ZNF385D: variants seen among roughly 807,000 people sequenced by gnomAD.
ZNF385D encodes zinc finger protein 659.
In ZNF385D, 15 loss-of-function variants were observed where a neutral mutation model predicts 35.8. The ratio of observed to expected loss-of-function variants is 0.42; its 90% CI spans 0.28 to 0.64. The LOEUF (loss-of-function observed/expected upper bound fraction) is 0.64. ZNF385D is among the 30% of genes least tolerant of loss of function. The pLI is 0.23. For missense variants in ZNF385D, 474 were observed against 494.6 expected, an observed-to-expected ratio of 0.96 and a Z score of 0.39; for synonymous variants, 212 against 186.8, an observed-to-expected ratio of 1.13 and a Z score of -1.10.
intron 3 of ZNF385D, among the ~76,000 whole-genome samples, chr3:21,931,745 GT>G (rs1485125714): frequency 1.3e-5 from 2 of 152,166 alleles, no homozygotes; most frequent in Non-Finnish European, 2.9e-5. Flanking sequence ...GATGATAGAT[GT>G]TCAAAACTAG....
chr3:22,014,713 G>T (rs1457022993), intron 3 of ZNF385D, among the ~76,000 whole-genome samples: 3 of 151,918 alleles, frequency 2.0e-5, no homozygotes, highest in Non-Finnish European at 4.4e-5. Context: ...TGATATACAA[G>T]AAATAAGAAA....
intron 3 of ZNF385D, among the ~76,000 whole-genome samples, chr3:22,083,683 C>T (rs887245160): frequency 1.3e-5 from 2 of 152,048 alleles, no homozygotes; most frequent in African/African-American, 4.8e-5. Context: ...AGAGAAATTC[C>T]CCAACCTAGC....
intron 2 of ZNF385D, among the ~76,000 whole-genome samples, chr3:22,239,888 G>T (rs1465228265): frequency 6.6e-6 from 1 of 150,548 alleles, no homozygotes; most frequent in African/African-American, 2.5e-5. Context: ...GGCTTTAAAT[G>T]ATTTCAGCCT....
At chr3:21,803,447 T>C (rs1485567769) in intron 3 of ZNF385D, among the ~76,000 whole-genome samples, 2 of 152,206 alleles carry the variant, frequency 1.3e-5, no homozygotes, top group African/African-American at 2.4e-5. Context: ...ATCAAAGTTT[T>C]AAATAACTGC....
chr3:22,045,477 G>C (rs527772757), intron 3 of ZNF385D, among the ~76,000 whole-genome samples: 3 of 152,206 alleles, frequency 2.0e-5, no homozygotes, highest in African/African-American at 7.2e-5. Flanking sequence ...GCCAGGAAGA[G>C]AGTCCTATAA....
At chr3:21,699,578 G>A (rs1035222662) in intron 1 of ZNF385D, among the ~76,000 whole-genome samples, 2 of 152,016 alleles carry the variant, frequency 1.3e-5, no homozygotes, top group Non-Finnish European at 2.9e-5. Context: ...TAAACAGAGT[G>A]TATTTACCAG....
intron 3 of ZNF385D, among the ~76,000 whole-genome samples, chr3:22,061,161 CAAAGT>C (rs1699667388): frequency 6.6e-6 from 1 of 152,200 alleles, no homozygotes; most frequent in African/African-American, 2.4e-5. Context: ...ATTATTCTCT[CAAAGT>C]AAGTTGGTTT....
At chr3:21,908,573 T>C (rs1263552731) in intron 3 of ZNF385D, among the ~76,000 whole-genome samples, 1 of 151,904 alleles carries the variant, frequency 6.6e-6, no homozygotes, top group African/African-American at 2.4e-5. Context: ...GAAGCACAAA[T>C]CAAGGAAAGA....
chr3:21,521,049 T>C (rs901425167), intron 3 of ZNF385D, among the ~76,000 whole-genome samples: 6 of 152,202 alleles, frequency 3.9e-5, no homozygotes, highest in Non-Finnish European at 5.9e-5. Flanking sequence ...CTCTATAGTT[T>C]TGTAGAATTT....
intron 2 of ZNF385D, among the ~76,000 whole-genome samples, chr3:21,631,689 TC>T (rs2125836444): frequency 6.6e-6 from 1 of 152,278 alleles, no homozygotes; most frequent in South Asian, 2.1e-4. Context: ...AAAAGGGATT[TC>T]CAGCTCCTCA....
chr3:22,030,255 TCATATATA>T (rs1339657240), intron 3 of ZNF385D, among the ~76,000 whole-genome samples: 2 of 27,916 alleles, frequency 7.2e-5, no homozygotes, highest in African/African-American at 3.1e-4. Context: ...ATAAACTCAT[TCATATATA>T]TATATATATA....
chr3:21,958,144 A>C (rs1702387490), intron 3 of ZNF385D, among the ~76,000 whole-genome samples: 2 of 152,166 alleles, frequency 1.3e-5, no homozygotes, highest in South Asian at 4.1e-4. Context: ...ATTTGTTTTC[A>C]AATTTAATGT....
chr3:21,972,152 A>T (rs1559804917), intron 3 of ZNF385D, among the ~76,000 whole-genome samples: 1 of 152,058 alleles, frequency 6.6e-6, no homozygotes, highest in Non-Finnish European at 1.5e-5. Context: ...CAGAATATAC[A>T]TTCTTTTTCT....
At position 21,732,027 on chromosome 3, in the gene ZNF385D, GGGGTTTTTT is replaced by G. The variant is rs60365198; in HGVS notation, c.22+18859_22+18867del. The stretch of plus-strand genomic sequence containing the variant: ...CTATTCAGGGTTTTTTTCTTTTTTC[GGGGTTTTTT>G]TTTTTTTTTTTTTTTTTTTTTTTTT... On this transcript the variant is annotated intron_variant, in intron 1 of 7. Transcript: ENST00000281523. Among the ~76,000 whole-genome samples the G allele has an allele frequency of 5.2e-3, 334 of 64,258 alleles. 105 individuals are homozygous for G. The highest frequency in any genetic ancestry group is 0.018 in the African/African-American group (221 of 12,022). The allele number at this position is 64,258 out of a possible 152,430, so 42.2% of individuals were successfully genotyped here.
intron 2 of ZNF385D, among the ~76,000 whole-genome samples, chr3:22,195,442 A>C (rs1418535792): frequency 6.6e-6 from 1 of 151,936 alleles, no homozygotes; most frequent in African/African-American, 2.4e-5. Context: ...AAGGTCACTC[A>C]TTAATTCTTT....
At chr3:21,561,931 C>G (rs1414891506) in intron 3 of ZNF385D, 1 of 152,178 alleles carries the variant, frequency 6.6e-6, no homozygotes. Context: ...TGTGTTGTTT[C>G]AGGCCACTGA....
chr3:21,706,568 T>C (rs1035454293), intron 1 of ZNF385D, among the ~76,000 whole-genome samples: 1 of 152,178 alleles, frequency 6.6e-6, no homozygotes, highest in African/African-American at 2.4e-5. Flanking sequence ...TTAGGAAACA[T>C]GTTCTCAAAC....
intron 3 of ZNF385D, among the ~76,000 whole-genome samples, chr3:22,045,160 T>A (rs981811285): frequency 1.1e-4 from 17 of 151,832 alleles, no homozygotes; most frequent in Non-Finnish European, 1.9e-4. Flanking sequence ...TTGGGTCATA[T>A]TAAAAAAAAA....
At chr3:22,234,716 T>C (rs770986356) in intron 2 of ZNF385D, among the ~76,000 whole-genome samples, 4 of 152,032 alleles carry the variant, frequency 2.6e-5, no homozygotes, top group Non-Finnish European at 5.9e-5. Flanking sequence ...TCTCTTTGTA[T>C]TGTAGTGATT....
Sources: gnomAD v4.1 joint callset for allele counts (sites outside exome capture counted in the v4.1 genomes callset) on GRCh38, gnomAD v4.1.1 for gene constraint, MANE v1.5 for transcripts, NCBI Gene and HGNC (gene_info 2026-07-23, HGNC 2026-07-21) for gene names.